SIGLEC15: variants seen among roughly 807,000 people sequenced by gnomAD.
SIGLEC15 encodes sialic acid-binding Ig-like lectin 15.
Under a neutral mutation model 26.2 loss-of-function variants are expected in SIGLEC15, and 31 were observed. The ratio of observed to expected loss-of-function variants is 1.18; its 90% confidence interval spans 0.89 to 1.60. SIGLEC15 has a LOEUF of 1.60. Ranked by LOEUF, SIGLEC15 falls within the 40% of genes most tolerant of loss-of-function variation. The probability of loss-of-function intolerance (pLI) is 0.00; values close to 1 mark genes in which losing one functional copy is unlikely to be tolerated. For missense variants in SIGLEC15, 501 were observed against 488.4 expected (o/e 1.03, Z -0.24); for synonymous variants, 207 against 221.9 (o/e 0.93, Z 0.60).
At chr18:45,830,583 CTTTT>C (rs56404391) in intron 1 of SIGLEC15, among the ~76,000 whole-genome samples, 1 of 96,702 alleles carries the variant, frequency 1.0e-5, no homozygotes. Context: ...ATTTTTCTTT[CTTTT>C]TTTTTTTTTT....
rs2048345961 is a variant in SIGLEC15 at position 45,843,980 on chromosome 18, G to A, written c.*1793G>A. On this transcript the variant is annotated 3_prime_UTR_variant, in exon 6 of 6. Transcript: ENST00000389474. ...ATTGAAAAGATACCAGTACTCCCAT[G>A]TTTACTGCAGCACTATTTGCAATAG... 1 of 152,112 alleles carries A rather than the reference G, an allele frequency of 6.6e-6. No homozygotes were observed. The highest frequency in any genetic ancestry group is 1.9e-4 in the East Asian group (1 of 5,190). The allele number at this position is 152,112 out of a possible 1,614,324, so 9.4% of individuals were successfully genotyped here.
intron 1 of SIGLEC15, among the ~76,000 whole-genome samples, chr18:45,831,315 C>G (rs1212376552): frequency 6.6e-6 from 1 of 152,344 alleles, no homozygotes; most frequent in Non-Finnish European, 1.5e-5. Flanking sequence ...CCTAAGCTGT[C>G]TTTCCACTAT....
rs1352657311 is a variant in SIGLEC15 at position 45,838,704 on chromosome 18, C to T, written c.497-14C>T. On this transcript the variant is annotated splice_polypyrimidine_tract_variant and intron_variant, in intron 3 of 5. Transcript: ENST00000389474. ...GGGTGCCCTTGTGACAGTCACCCGC[C>T]TTCTCCCCTGCAGCCGCGCCGCGGA... The T allele has an allele frequency of 3.8e-6, 6 of 1,560,956 alleles. No homozygotes were observed. Among genetic ancestry groups the T allele is most frequent in the Non-Finnish European group, 5.2e-6 (6 of 1,163,370 alleles).
intron 1 of SIGLEC15, among the ~76,000 whole-genome samples, chr18:45,835,699 T>C (rs957161097): frequency 6.6e-6 from 1 of 152,176 alleles, no homozygotes; most frequent in African/African-American, 2.4e-5. Flanking sequence ...AGTAACACTT[T>C]TACCTGATGG....
chr18:45,838,764 C>G lies in SIGLEC15; in HGVS notation c.543C>G (p.His181Gln). ...VNISVLPSPA[H>Q]AFRALCTAEG... ...TCTCGGTGCTGCCCAGTCCGGCTCA[C>G]GCCTTCCGCGCGCTCTGCACTGCCG... is the stretch of plus-strand genomic sequence containing the variant. The change falls in exon 4 of 6, where the codon CAC becomes CAG. Residue 181 changes from histidine (H) to glutamine (Q), a missense_variant. Transcript: ENST00000389474. The G allele has an allele frequency of 6.3e-7, 1 of 1,576,506 alleles. No individual in the cohort carries two copies. The highest frequency in any genetic ancestry group is 1.4e-5 in the African/African-American group (1 of 73,916).
intron 1 of SIGLEC15, among the ~76,000 whole-genome samples, chr18:45,835,014 C>G (rs1479401455): frequency 6.6e-6 from 1 of 151,880 alleles, no homozygotes; most frequent in Non-Finnish European, 1.5e-5. Context: ...AACAAACAAG[C>G]TCTTTCTAGA....
In SIGLEC15 at chr18:45,838,709, C is replaced by T; in HGVS notation, c.497-9C>T. ...CCCTTGTGACAGTCACCCGCCTTCT[C>T]CCCTGCAGCCGCGCCGCGGATCGTC... On this transcript the variant is annotated splice_polypyrimidine_tract_variant and intron_variant, in intron 3 of 5. Coordinates refer to ENST00000389474, the MANE Select transcript of SIGLEC15 (RefSeq NM_213602.3). The T allele has an allele frequency of 3.2e-6, 5 of 1,566,286 alleles. No homozygotes were observed. Among genetic ancestry groups the T allele is most frequent in the Non-Finnish European group, 4.3e-6 (5 of 1,165,800 alleles).
In SIGLEC15 at chr18:45,843,371, G is replaced by A. The variant is rs947284774; in HGVS notation, c.*1184G>A. 6.6e-6 allele frequency: 1 copy of A among 152,262 alleles called. No homozygotes were observed. The highest frequency in any genetic ancestry group is 2.4e-5 in the African/African-American group (1 of 41,424). The allele number at this position is 152,262 out of a possible 1,614,324, so 9.4% of individuals were successfully genotyped here. On this transcript the variant is annotated 3_prime_UTR_variant, in exon 6 of 6. Transcript: ENST00000389474. ...TAGGGAGAGGAGGGAGGCATGCCTG[G>A]GTCCCAGGTAAGCTGGCAAGAGGAA...
Position 45,838,872 on chromosome 18 carries a change from T to TC in SIGLEC15, c.652dup (p.His218ProfsTer15), listed in dbSNP as rs765136465. 2.5e-6 allele frequency: 4 copies of TC among 1,587,366 alleles called. No homozygotes were observed. Among genetic ancestry groups the TC allele is most frequent in the Admixed American group, 1.7e-5 (1 of 57,354 alleles). On this transcript the variant is annotated frameshift_variant, in exon 4 of 6. Transcript: ENST00000389474. LOFTEE classifies it high-confidence loss of function. ...CAGCCGTGCGGAGCCCGCGTGAGGG[T>TC]CACGGCCACCTAGTGACCGCCGAAC...
chr18:45,837,665 G>T lies in SIGLEC15; in HGVS notation c.265G>T (p.Gly89Cys). ...CTGGCGCGCGGGCGAGCCCTATGCGGGCCCGCAGGTGTTCCGCTGCGCTGC... is the reference window on the plus strand; with the variant it reads ...CTGGCGCGCGGGCGAGCCCTATGCGTGCCCGCAGGTGTTCCGCTGCGCTGC... ...AIWRAGEPYA[G>C]PQVFRCAAAR... The change falls in exon 3 of 6, where the codon GGC (glycine) becomes TGC (cysteine). Residue 89 changes from glycine (G) to cysteine (C), a missense_variant. Physicochemically the swap from Gly to Cys is radical, Grantham distance 159. Transcript: ENST00000389474. 6.7e-7 allele frequency: 1 copy of T among 1,497,348 alleles called. No individual in the cohort carries two copies. Among genetic ancestry groups the T allele is most frequent in the Non-Finnish European group, 8.8e-7 (1 of 1,131,656 alleles). The allele number at this position is 1,497,348 out of a possible 1,614,324, so 92.8% of individuals were successfully genotyped here.
At chr18:45,840,448 C>T (rs1042579665) in intron 5 of SIGLEC15, among the ~76,000 whole-genome samples, 4 of 152,198 alleles carry the variant, frequency 2.6e-5, no homozygotes, top group Admixed American at 1.3e-4. Context: ...GCCTCGCTGA[C>T]CTGCTCCTCC....
chr18:45,830,380 A>G (rs1030434970), intron 1 of SIGLEC15, among the ~76,000 whole-genome samples: 2 of 152,158 alleles, frequency 1.3e-5, no homozygotes, highest in East Asian at 1.9e-4. Context: ...TAGTGGGATC[A>G]TGATTGCAAT....
At position 45,825,690 on chromosome 18, in the gene SIGLEC15, G is replaced by T. The variant is rs369769268; in HGVS notation, c.-39G>T. ...GAGGGCCCTCACTGGGGAGGTGGCC[G>T]AGAGCGGGTCTGGCCTGGGGTGTTC... On this transcript the variant is annotated 5_prime_UTR_variant, in exon 1 of 6. Coordinates refer to ENST00000389474, the MANE Select transcript of SIGLEC15 (RefSeq NM_213602.3). 1 of 1,607,918 alleles carries T rather than the reference G, an allele frequency of 6.2e-7. No individual in the cohort carries two copies.
At chr18:45,831,210 A>G (rs2048232523) in intron 1 of SIGLEC15, among the ~76,000 whole-genome samples, 1 of 152,188 alleles carries the variant, frequency 6.6e-6, no homozygotes, top group Non-Finnish European at 1.5e-5. Context: ...TCCACCTGCT[A>G]CACTCGCCTG....
intron 4 of SIGLEC15, 93 bp downstream of exon 4, chr18:45,839,188 C>T (rs1375876693): frequency 7.6e-7 from 1 of 1,322,734 alleles, no homozygotes; most frequent in African/African-American, 1.6e-5. Context: ...CTGGCACTGC[C>T]AGAATGTCGG....
At position 45,839,104 on chromosome 18, in the gene SIGLEC15, G is replaced by A. The variant is rs567188128; in HGVS notation, c.874+9G>A. The A allele has an allele frequency of 5.2e-4, 712 of 1,381,296 alleles. 6 individuals are homozygous for A. In the African/African-American group the frequency reaches 0.01, roughly 20 times the overall value. The allele number at this position is 1,381,296 out of a possible 1,614,324, so 85.6% of individuals were successfully genotyped here. On this transcript the variant is annotated intron_variant, in intron 4 of 5. Transcript: ENST00000389474. ...TGCCCGCCGCCGCCCAGGTGGGTGC[G>A]CCCCAGACACGGGTGGCCGCGAGGG...
rs954648368 is a variant in SIGLEC15 at position 45,843,925 on chromosome 18, C to G, written c.*1738C>G. On this transcript the variant is annotated 3_prime_UTR_variant, in exon 6 of 6. Transcript: ENST00000389474. Reference sequence around the variant, plus strand: ...ACCATATGATCCAGTAATCCCACTGCTGGGTATCTGTCAGCAAGGAAATCA... The same window carrying G: ...ACCATATGATCCAGTAATCCCACTGGTGGGTATCTGTCAGCAAGGAAATCA... 2.0e-5 allele frequency: 3 copies of G among 152,136 alleles called. No individual in the cohort carries two copies. Among genetic ancestry groups the G allele is most frequent in the African/African-American group, 7.2e-5 (3 of 41,424 alleles). The allele number at this position is 152,136 out of a possible 1,614,324, so 9.4% of individuals were successfully genotyped here.
intron 4 of SIGLEC15, among the ~76,000 whole-genome samples, 195 bp downstream of exon 4, chr18:45,839,290 G>A (rs556654171): frequency 1.8e-4 from 27 of 152,304 alleles, no homozygotes; most frequent in Admixed American, 3.9e-4. Context: ...TTGCAATAAG[G>A]AAGCTGAGGC....
At chr18:45,831,832 G>A (rs1384736272) in intron 1 of SIGLEC15, among the ~76,000 whole-genome samples, 5 of 151,648 alleles carry the variant, frequency 3.3e-5, no homozygotes, top group African/African-American at 7.3e-5. Context: ...CCGCCTCCCG[G>A]GTTCAAGCGG....
Sources: allele counts gnomAD v4.1 joint callset (sites outside exome capture counted in the v4.1 genomes callset), GRCh38; gene constraint gnomAD v4.1.1; transcripts MANE v1.5; gene names NCBI Gene and HGNC (gene_info 2026-07-23, HGNC 2026-07-21).